OPCML: variants seen among roughly 807,000 people sequenced by gnomAD.
OPCML encodes the protein opioid-binding protein/cell adhesion molecule.
A neutral mutation model predicts 37.8 loss-of-function variants in OPCML; 13 were observed. The ratio of observed to expected loss-of-function variants is 0.34; its 90% CI spans 0.22 to 0.55. The LOEUF is 0.55. Among genes scored for constraint, OPCML ranks in the 20% least tolerant of loss-of-function variants. OPCML has a pLI of 0.91. For missense variants in OPCML, 341 were observed against 435.6 expected (o/e 0.78, Z 1.93); for synonymous variants, 176 against 168.8 (o/e 1.04, Z -0.33).
chr11:132,975,961 G>C (rs949979688), intron 1 of OPCML, among the ~76,000 whole-genome samples: 6 of 152,002 alleles, frequency 3.9e-5, no homozygotes, highest in African/African-American at 1.2e-4. Context: ...TAGTAGAGAC[G>C]GGGTTTCACC....
intron 2 of OPCML, among the ~76,000 whole-genome samples, chr11:132,685,510 A>G (rs1227218185): frequency 2.6e-5 from 4 of 152,198 alleles, no homozygotes; most frequent in African/African-American, 9.7e-5. Context: ...TCTCTTAGAC[A>G]AGCTGCAAAA....
At chr11:133,199,215 C>G (rs976133753) in intron 1 of OPCML, among the ~76,000 whole-genome samples, 5 of 152,042 alleles carry the variant, frequency 3.3e-5, no homozygotes, top group Non-Finnish European at 7.4e-5. Flanking sequence ...GAGAGGGTGG[C>G]AAGAGGGAAT....
chr11:133,470,609 A>T (rs1280094652), intron 1 of OPCML, among the ~76,000 whole-genome samples: 2 of 152,236 alleles, frequency 1.3e-5, no homozygotes, highest in African/African-American at 4.8e-5. Flanking sequence ...CTGGAAACCC[A>T]GCAGAATGCT....
intron 1 of OPCML, among the ~76,000 whole-genome samples, chr11:133,485,958 G>A (rs1947517442): frequency 6.6e-6 from 1 of 152,048 alleles, no homozygotes; most frequent in South Asian, 2.1e-4. Flanking sequence ...ACAGGCATAG[G>A]GCTAAATTGC....
chr11:132,712,900 G>A (rs1317996260), intron 2 of OPCML, among the ~76,000 whole-genome samples: 2 of 152,196 alleles, frequency 1.3e-5, no homozygotes, highest in African/African-American at 4.8e-5. Flanking sequence ...GCCCACGTCG[G>A]CTTAAGCCTC....
intron 1 of OPCML, among the ~76,000 whole-genome samples, chr11:133,029,333 T>C (rs1409937721): frequency 2.0e-5 from 3 of 152,098 alleles, no homozygotes; most frequent in Admixed American, 6.6e-5. Context: ...GAACTAAAAA[T>C]AGAACTACCA....
intron 3 of OPCML, among the ~76,000 whole-genome samples, chr11:132,612,946 C>A (rs901070861): frequency 6.6e-6 from 1 of 152,138 alleles, no homozygotes; most frequent in Non-Finnish European, 1.5e-5. Context: ...TTCTAGACAG[C>A]CAATCAGAGG....
chr11:132,841,860 C>CAAAAAAAAAAAAAAAAAAA (rs71067402), intron 2 of OPCML, among the ~76,000 whole-genome samples: 3 of 34,694 alleles, frequency 8.6e-5, no homozygotes, highest in Non-Finnish European at 1.4e-4. Flanking sequence ...CACTCTATCT[C>CAAAAAAAAAAAAAAAAAAA]AAAAAAAAAA....
At chr11:133,038,763 A>C (rs543532865) in intron 1 of OPCML, among the ~76,000 whole-genome samples, 55 of 151,998 alleles carry the variant, frequency 3.6e-4, no homozygotes, top group Admixed American at 5.9e-4. Context: ...AAAAAACAAA[A>C]ATTGGTTGTA....
At position 132,710,206 on chromosome 11, in the gene OPCML, C is replaced by T. The variant is rs144098492; in HGVS notation, c.147-52887G>A. Among the ~76,000 whole-genome samples the T allele has an allele frequency of 3.1e-4, 47 of 152,052 alleles. 2 individuals carry two copies. Among genetic ancestry groups the T allele is most frequent in the African/African-American group, 8.9e-4 (37 of 41,468 alleles). The stretch of plus-strand genomic sequence containing the variant: ...CAAATTTAAGTGGACTAGAATCTGA[C>T]GTAAATCAAAGGGTGAGAAACAGTT... On this transcript the variant is annotated intron_variant, in intron 2 of 7. Transcript: ENST00000524381.
intron 2 of OPCML, among the ~76,000 whole-genome samples, chr11:132,800,517 T>G (rs1938579724): frequency 6.6e-6 from 1 of 152,280 alleles, no homozygotes; most frequent in East Asian, 1.9e-4. Flanking sequence ...CTTCAGCATT[T>G]CACCATGAAG....
chr11:132,424,734 G>A (rs2095972341), intron 7 of OPCML, among the ~76,000 whole-genome samples: 1 of 152,160 alleles, frequency 6.6e-6, no homozygotes, highest in East Asian at 1.9e-4. Flanking sequence ...TGAGTTTGCA[G>A]GACTGATTGA....
chr11:132,633,270 T>G (rs988084429), intron 3 of OPCML, among the ~76,000 whole-genome samples: 1 of 151,406 alleles, frequency 6.6e-6, no homozygotes, highest in Non-Finnish European at 1.5e-5. Flanking sequence ...TGGTGTGATC[T>G]CGGCTCACTG....
chr11:133,282,148 A>G (rs543447729), intron 1 of OPCML, among the ~76,000 whole-genome samples: 2 of 152,184 alleles, frequency 1.3e-5, no homozygotes, highest in Non-Finnish European at 2.9e-5. Context: ...CTTGCTAGAG[A>G]GATTAACATG....
intron 2 of OPCML, among the ~76,000 whole-genome samples, chr11:132,880,834 T>C (rs1943198281): frequency 6.6e-6 from 1 of 152,222 alleles, no homozygotes; most frequent in African/African-American, 2.4e-5. Flanking sequence ...AGATAGTAAT[T>C]TGAAACTGAT....
At chr11:133,289,240 A>G (rs183896904) in intron 1 of OPCML, among the ~76,000 whole-genome samples, 1 of 152,182 alleles carries the variant, frequency 6.6e-6, no homozygotes. Context: ...AAATAAGGCA[A>G]ATACTTATGA....
intron 1 of OPCML, among the ~76,000 whole-genome samples, chr11:132,961,028 C>T (rs1294866668): frequency 1.3e-5 from 2 of 152,050 alleles, no homozygotes; most frequent in Non-Finnish European, 2.9e-5. Flanking sequence ...GCAAAGCTGC[C>T]GGATTCCGAA....
intron 2 of OPCML, among the ~76,000 whole-genome samples, chr11:132,703,349 T>C (rs980975059): frequency 6.6e-6 from 1 of 152,216 alleles, no homozygotes; most frequent in African/African-American, 2.4e-5. Flanking sequence ...ATTATAATCT[T>C]GTGGGACCAC....
intron 1 of OPCML, among the ~76,000 whole-genome samples, chr11:133,286,427 G>A (rs927128114): frequency 5.9e-5 from 7 of 117,698 alleles, no homozygotes; most frequent in African/African-American, 1.1e-4. Flanking sequence ...CCGAGATCGC[G>A]CCACTGCACT....
Sources: gnomAD v4.1 joint callset for allele counts (sites outside exome capture counted in the v4.1 genomes callset) on GRCh38, gnomAD v4.1.1 for gene constraint, MANE v1.5 for transcripts, NCBI Gene and HGNC (gene_info 2026-07-23, HGNC 2026-07-21) for gene names.